The following TAFA2 variants were observed in gnomAD, a reference collection of about 807,000 sequenced individuals.
The protein encoded by TAFA2 is TAFA chemokine like family member 2.
Under a neutral mutation model 18.8 loss-of-function variants are expected in TAFA2, and 7 were observed. That is an observed-to-expected ratio of 0.37 (90% CI 0.21 to 0.70). TAFA2 has a LOEUF of 0.70. Among genes scored for constraint, TAFA2 ranks in the 30% least tolerant of loss-of-function variants. The pLI is 0.53. For synonymous variants in TAFA2, 60 were observed against 54.2 expected (o/e 1.11, Z -0.47); for missense variants, 122 against 158.1 (o/e 0.77, Z 1.23).
chr12:61,913,854 A>G (rs1876709739), intron 1 of TAFA2, among the ~76,000 whole-genome samples: 1 of 152,200 alleles, frequency 6.6e-6, no homozygotes, highest in South Asian at 2.1e-4. Flanking sequence ...TGGGTGTGAT[A>G]TATTCACAAT....
At chr12:61,953,443 T>C (rs1012997899) in intron 1 of TAFA2, among the ~76,000 whole-genome samples, 26 of 151,172 alleles carry the variant, frequency 1.7e-4, no homozygotes, top group African/African-American at 6.4e-4. Context: ...TGAAGTTATA[T>C]TGTAGGATAA....
intron 1 of TAFA2, among the ~76,000 whole-genome samples, chr12:62,080,137 A>G (rs2136818504): frequency 6.6e-6 from 1 of 152,328 alleles, no homozygotes; most frequent in Admixed American, 6.5e-5. Context: ...GAGGCTGCTC[A>G]GCTCTGAGGG....
intron 1 of TAFA2, among the ~76,000 whole-genome samples, chr12:61,942,045 A>G (rs1289677504): frequency 2.0e-5 from 3 of 151,524 alleles, no homozygotes; most frequent in South Asian, 4.1e-4. Context: ...GAAGACTTAA[A>G]TGTCCCTGTC....
chr12:61,755,111 A>G, intron 2 of TAFA2, 87 bp from the exon 3 acceptor site: 1 of 1,292,320 alleles, frequency 7.7e-7, no homozygotes, highest in African/African-American at 1.5e-5. Context: ...TACATTAAAT[A>G]TAGCTCTATA....
rs145436160 is a variant in TAFA2 at position 61,930,616 on chromosome 12, C to T, written c.-1-63190G>A. 3.1e-3 allele frequency among the ~76,000 whole-genome samples: 469 copies of T among 152,342 alleles called. 3 individuals carry two copies. The highest frequency in any genetic ancestry group is 4.8e-3 in the Non-Finnish European group (327 of 68,036). On this transcript the variant is annotated intron_variant, in intron 1 of 4. Coordinates refer to ENST00000416284, the MANE Select transcript of TAFA2 (RefSeq NM_178539.5). ...CTGACCCTAATCACTCTAATCATCA[C>T]GCTCTATACTGCTCCATTTAATAGA...
chr12:62,033,906 A>G (rs1481263183), intron 1 of TAFA2, among the ~76,000 whole-genome samples: 3 of 152,326 alleles, frequency 2.0e-5, no homozygotes, highest in Non-Finnish European at 4.4e-5. Context: ...AAAAATGAAT[A>G]CAAAGTTTGT....
At chr12:62,074,528 C>G (rs957803004) in intron 1 of TAFA2, among the ~76,000 whole-genome samples, 16 of 152,214 alleles carry the variant, frequency 1.1e-4, no homozygotes, top group Non-Finnish European at 1.9e-4. Flanking sequence ...TTTCGTTTAG[C>G]TAACAAATCC....
chr12:62,162,730 T>C (rs1357266981), intron 1 of TAFA2, among the ~76,000 whole-genome samples: 2 of 152,132 alleles, frequency 1.3e-5, no homozygotes, highest in African/African-American at 4.8e-5. Context: ...ATATCTGATG[T>C]CATGGAATAA....
At chr12:61,728,986 C>G (rs943632920) in intron 4 of TAFA2, among the ~76,000 whole-genome samples, 22 of 151,802 alleles carry the variant, frequency 1.4e-4, no homozygotes, top group African/African-American at 5.1e-4. Context: ...CTTTATCTTT[C>G]CTTCATTTAT....
intron 1 of TAFA2, among the ~76,000 whole-genome samples, chr12:61,981,278 C>T (rs1417194196): frequency 6.6e-6 from 1 of 152,192 alleles, no homozygotes; most frequent in Non-Finnish European, 1.5e-5. Flanking sequence ...GAAACTGCAT[C>T]CCTTCCTTAC....
chr12:61,948,331 C>T (rs572840194), intron 1 of TAFA2, among the ~76,000 whole-genome samples: 2 of 152,222 alleles, frequency 1.3e-5, no homozygotes, highest in East Asian at 1.9e-4. Context: ...TAGTCCCTAA[C>T]ATTTGAGATC....
At chr12:61,878,277 C>T in intron 1 of TAFA2, 1 of 279,646 alleles carries the variant, frequency 3.6e-6, no homozygotes, top group South Asian at 3.2e-5. Context: ...CTGAATTGTA[C>T]AAAAAATGGC....
intron 2 of TAFA2, among the ~76,000 whole-genome samples, chr12:61,809,347 T>G (rs1225958065): frequency 2.0e-5 from 3 of 151,528 alleles, no homozygotes; most frequent in Non-Finnish European, 4.4e-5. Context: ...TTGTGTAAGT[T>G]TAATTGGGAA....
At chr12:61,931,439 A>G (rs1232106812) in intron 1 of TAFA2, among the ~76,000 whole-genome samples, 1 of 152,248 alleles carries the variant, frequency 6.6e-6, no homozygotes, top group Non-Finnish European at 1.5e-5. Flanking sequence ...GGCACTGGCC[A>G]GCTGCTGTGA....
chr12:62,101,087 A>G (rs1049326001), intron 1 of TAFA2, among the ~76,000 whole-genome samples: 1 of 151,186 alleles, frequency 6.6e-6, no homozygotes, highest in African/African-American at 2.4e-5. Context: ...GGCCTAGGTT[A>G]GTAGATTACC....
At chr12:61,976,749 A>G (rs1191524803) in intron 1 of TAFA2, among the ~76,000 whole-genome samples, 1 of 151,946 alleles carries the variant, frequency 6.6e-6, no homozygotes, top group Non-Finnish European at 1.5e-5. Flanking sequence ...TCATTGTCCA[A>G]TTCCCACCTA....
At chr12:61,710,591 C>A (rs922879264) in intron 4 of TAFA2, among the ~76,000 whole-genome samples, 174 bp from the exon 5 acceptor site, 1 of 152,056 alleles carries the variant, frequency 6.6e-6, no homozygotes, top group African/African-American at 2.4e-5. Context: ...TAAAAATATA[C>A]TTTTTTTCTC....
intron 1 of TAFA2, among the ~76,000 whole-genome samples, chr12:61,889,409 A>C (rs978428896): frequency 6.6e-6 from 1 of 152,132 alleles, no homozygotes; most frequent in Non-Finnish European, 1.5e-5. Context: ...AACAGGGTTC[A>C]TTTTCTCTAG....
chr12:62,209,524 G>C (rs138505081), intron 1 of TAFA2, among the ~76,000 whole-genome samples: 1 of 152,332 alleles, frequency 6.6e-6, no homozygotes, highest in East Asian at 1.9e-4. Flanking sequence ...ACATGTGAAA[G>C]TACATTCTGA....
Sources: gnomAD v4.1 joint callset for allele counts (sites outside exome capture counted in the v4.1 genomes callset) on GRCh38, gnomAD v4.1.1 for gene constraint, MANE v1.5 for transcripts, NCBI Gene and HGNC (gene_info 2026-07-23, HGNC 2026-07-21) for gene names.